The following DUSP15 variants were observed in gnomAD, a reference collection of about 807,000 sequenced individuals.
The protein encoded by DUSP15 is dual specificity protein phosphatase 15.
In DUSP15, 23 loss-of-function variants were observed where a neutral mutation model predicts 26.3. The ratio of observed to expected loss-of-function variants is 0.87; its 90% CI spans 0.63 to 1.24. The LOEUF is 1.24. Ranked by LOEUF, DUSP15 falls within the 50% of genes most tolerant of loss-of-function variation. The pLI, the probability that DUSP15 is intolerant of heterozygous loss-of-function variation, is 0.00. For missense variants in DUSP15, 364 were observed against 320.6 expected (o/e 1.14, Z -1.03); for synonymous variants, 143 against 135.5 (o/e 1.06, Z -0.39).
chr20:31,861,782 C>G, intron 6 of DUSP15, 107 bp from the exon 7 acceptor site: 1 of 923,482 alleles, frequency 1.1e-6, no homozygotes, highest in South Asian at 2.2e-5. Context: ...CCGAGCGTCC[C>G]ACACCTCGCT....
rs906808639 is a variant in DUSP15 at position 31,861,499 on chromosome 20, C to T, written c.612G>A (p.Thr204=). ...GCAGCGGCCGGTGGGCTTCCCGGGGCGTGCGCGGCACCAGGCGCTGCACGG... is the reference window on the plus strand; with the variant it reads ...GCAGCGGCCGGTGGGCTTCCCGGGGTGTGCGCGGCACCAGGCGCTGCACGG... ...EGTVQRLVPR[T]PREAHRPLPL... Residue 204 remains threonine, a synonymous_variant, in exon 7 of 7, where the codon ACG becomes ACA. Transcript: ENST00000339738. 1.3e-6 allele frequency: 2 copies of T among 1,531,548 alleles called. No individual in the cohort carries two copies. The highest frequency in any genetic ancestry group is 2.8e-5 in the African/African-American group (2 of 70,908). 94.9% of individuals were successfully genotyped at this position (1,531,548 alleles called of 1,614,324 possible).
chr20:31,845,737 G>A, downstream of DUSP15: 1 of 658,468 alleles, frequency 1.5e-6, no homozygotes, highest in Non-Finnish European at 2.6e-6. Flanking sequence ...CCCAAAAGAG[G>A]CGGGCAGGAG....
intron 8 of DUSP15, chr20:31,849,024 C>T: frequency 2.6e-6 from 2 of 759,982 alleles, no homozygotes; most frequent in Non-Finnish European, 4.3e-6. Flanking sequence ...GCCCACATCC[C>T]ATTGTGTGCC....
chr20:31,849,219 C>G (rs1175750425), intron 8 of DUSP15, among the ~76,000 whole-genome samples: 1 of 152,060 alleles, frequency 6.6e-6, no homozygotes, highest in African/African-American at 2.4e-5. Context: ...ACCTTATGCC[C>G]TAAGCCAACA....
At chr20:31,856,233 G>T (rs765405249), downstream of DUSP15, among the ~76,000 whole-genome samples, 1 of 152,200 alleles carries the variant, frequency 6.6e-6, no homozygotes, top group Non-Finnish European at 1.5e-5. Flanking sequence ...GAAACATTTA[G>T]AAATGAAAGG....
intron 2 of DUSP15, among the ~76,000 whole-genome samples, chr20:31,868,608 T>C (rs1400497068): frequency 2.0e-5 from 3 of 151,308 alleles, no homozygotes; most frequent in Non-Finnish European, 4.4e-5. Context: ...GCCTCCCAAG[T>C]AGCTGGGATT....
chr20:31,854,153 G>T (rs537550576), intron 6 of DUSP15, among the ~76,000 whole-genome samples: 5 of 149,510 alleles, frequency 3.3e-5, no homozygotes, highest in Admixed American at 3.3e-4. Flanking sequence ...TTTAACTGAT[G>T]AATTGCACTC....
chr20:31,850,561 C>G, intron 7 of DUSP15: 3 of 1,569,710 alleles, frequency 1.9e-6, no homozygotes, highest in Non-Finnish European at 2.6e-6. Context: ...ACCCCGCGGC[C>G]GTCCCCAGTT....
Position 31,861,756 on chromosome 20 carries a change from C to A in DUSP15, c.436-81G>T, listed in dbSNP as rs547805138. ...GCAGCCGGCCCCGCCCCCACCCTCC[C>A]GACCTTCGCCCTTCTCCGAGCGTCC... On this transcript the variant is annotated intron_variant, in intron 6 of 6. Coordinates refer to ENST00000339738, the MANE Select transcript of DUSP15 (RefSeq NM_080611.5). 31 of 1,171,182 alleles carry A rather than the reference C, an allele frequency of 2.6e-5. No individual in the cohort carries two copies. In the South Asian group the frequency reaches 5.4e-4, roughly 20 times the overall value. The allele number at this position is 1,171,182 out of a possible 1,614,324, so 72.5% of individuals were successfully genotyped here. A position where few individuals can be genotyped will look rare whatever the true frequency, so the allele number is the denominator to read the frequency against.
chr20:31,847,565 C>T (rs371776689), downstream of DUSP15: 65 of 152,274 alleles, frequency 4.3e-4, no homozygotes, highest in African/African-American at 1.5e-3. Context: ...AAGAGACTTA[C>T]AATATTGGCA....
chr20:31,869,524 C>T, intron 2 of DUSP15, 40 bp downstream of exon 2: 2 of 1,603,418 alleles, frequency 1.2e-6, no homozygotes, highest in Non-Finnish European at 1.7e-6. Context: ...CTGAGACAGG[C>T]AGAGTGCCAT....
chr20:31,855,723 C>G (rs1422979374), intron 6 of DUSP15, among the ~76,000 whole-genome samples: 1 of 152,210 alleles, frequency 6.6e-6, no homozygotes, highest in South Asian at 2.1e-4. Flanking sequence ...TGAGCACCTA[C>G]TATGTGCCAG....
chr20:31,858,333 G>A (rs1446400795), downstream of DUSP15, among the ~76,000 whole-genome samples: 1 of 152,194 alleles, frequency 6.6e-6, no homozygotes, highest in African/African-American at 2.4e-5. This position sits in a 1 kb window ranked among gnomAD's most constrained non-coding sequence, Gnocchi z 4.4. Flanking sequence ...TGCCGTCGGG[G>A]ACCTTTCCTT....
At chr20:31,848,996 C>T (rs2062416374) in intron 8 of DUSP15, 8 of 1,028,548 alleles carry the variant, frequency 7.8e-6, no homozygotes, top group Non-Finnish European at 1.2e-5. Context: ...GCTCATTTCC[C>T]ATGCCCAAGT....
intron 7 of DUSP15, chr20:31,850,595 G>A (rs1455796623): frequency 1.1e-5 from 18 of 1,606,836 alleles, no homozygotes; most frequent in Non-Finnish European, 1.4e-5. Flanking sequence ...GGAGGGGAGG[G>A]GATTTCGATT....
At chr20:31,870,551 C>T (rs1249304850), upstream of DUSP15, 1 of 1,448,448 alleles carries the variant, frequency 6.9e-7, no homozygotes, top group Non-Finnish European at 9.0e-7. This position sits in a 1 kb window ranked among gnomAD's most constrained non-coding sequence, Gnocchi z 6.6. Context: ...CCGCTGCCAC[C>T]GCCGCCGCCG....
chr20:31,851,601 G>T (rs1369899185), intron 6 of DUSP15, among the ~76,000 whole-genome samples: 1 of 152,140 alleles, frequency 6.6e-6, no homozygotes, highest in Non-Finnish European at 1.5e-5. Context: ...AAAAGGTGGA[G>T]CGGGTGGGAG....
chr20:31,866,653 C>A (rs1031462994), intron 3 of DUSP15, among the ~76,000 whole-genome samples: 1 of 152,206 alleles, frequency 6.6e-6, no homozygotes, highest in African/African-American at 2.4e-5. Flanking sequence ...CAGCAGCCTT[C>A]TGGGGGCAGA....
chr20:31,863,565 G>T, intron 5 of DUSP15: 1 of 244,482 alleles, frequency 4.1e-6, no homozygotes, highest in Non-Finnish European at 8.0e-6. Context: ...CCAAGGCCTG[G>T]AGGGGAGGAG....
Sources: allele counts gnomAD v4.1 joint callset (sites outside exome capture counted in the v4.1 genomes callset), GRCh38; gene constraint gnomAD v4.1.1; non-coding constraint Gnocchi (gnomAD v3.1); transcripts MANE v1.5; gene names NCBI Gene and HGNC (gene_info 2026-07-23, HGNC 2026-07-21).